The following SLC12A1 variants were observed in gnomAD, a reference collection of about 807,000 sequenced individuals.
SLC12A1 encodes the protein Na-K-2Cl cotransporter.
A neutral mutation model predicts 130.4 loss-of-function variants in SLC12A1; 89 were observed. The observed-to-expected ratio is 0.68, with a 90% CI of 0.58 to 0.81. The LOEUF is 0.81. SLC12A1 is among the 40% of genes least tolerant of loss of function. The pLI, the probability that SLC12A1 is intolerant of heterozygous loss-of-function variation, is 0.00. For missense variants in SLC12A1, 1,310 were observed against 1,336.4 expected, an observed-to-expected ratio of 0.98 and a Z score of 0.31; for synonymous variants, 499 against 460.0, an observed-to-expected ratio of 1.08 and a Z score of -1.09.
Position 48,222,109 on chromosome 15 carries a change from G to A in SLC12A1, c.628+1113G>A, listed in dbSNP as rs541015459. ...GCATAACAAATGAATGCTCACAGCC[G>A]CAGGGTCCAAAATAAGTATATGCCG... On this transcript the variant is annotated intron_variant, in intron 4 of 26. Transcript: ENST00000380993. Among the ~76,000 whole-genome samples, 8 of 152,152 alleles carry A rather than the reference G, an allele frequency of 5.3e-5. No homozygotes were observed. In the South Asian group the frequency reaches 1.0e-3, roughly 20 times the overall value.
intron 20 of SLC12A1, among the ~76,000 whole-genome samples, chr15:48,278,284 CTAT>C (rs1184437837): frequency 6.6e-6 from 1 of 152,220 alleles, no homozygotes; most frequent in Admixed American, 6.5e-5. Context: ...TATGTGCCAT[CTAT>C]TATGCTTCTT....
chr15:48,260,499 T>C (rs2041763175), intron 17 of SLC12A1, among the ~76,000 whole-genome samples: 1 of 152,226 alleles, frequency 6.6e-6, no homozygotes, highest in Non-Finnish European at 1.5e-5. Flanking sequence ...AGCCACACAA[T>C]AGCCTAGTGA....
chr15:48,221,255 C>A, intron 4 of SLC12A1: 1 of 693,322 alleles, frequency 1.4e-6, no homozygotes. Context: ...GTTTTAGGTA[C>A]ACAGACATAT....
At position 48,304,019 on chromosome 15, in the gene SLC12A1, A is replaced by C. The variant is rs528033875; in HGVS notation, c.*1134A>C. 1 of 152,206 alleles carries C rather than the reference A, an allele frequency of 6.6e-6. No individual in the cohort carries two copies. The highest frequency in any genetic ancestry group is 6.5e-5 in the Admixed American group (1 of 15,282). 9.4% of individuals were successfully genotyped at this position (152,206 alleles called of 1,614,324 possible). On this transcript the variant is annotated 3_prime_UTR_variant, in exon 27 of 27. Transcript: ENST00000380993. ...TCTCCTTGACATGTTTTGACTGTTC[A>C]TTCTAACTGAAAACATATATGGGAA... is the stretch of plus-strand genomic sequence containing the variant.
At position 48,236,064 on chromosome 15, in the gene SLC12A1, CA is replaced by C. The variant is rs548521174; in HGVS notation, c.1215+1061del. Among the ~76,000 whole-genome samples, 12 of 149,444 alleles carry C rather than the reference CA, an allele frequency of 8.0e-5. No individual in the cohort carries two copies. In the South Asian group the frequency reaches 2.6e-3, roughly 32 times the overall value. On this transcript the variant is annotated intron_variant, in intron 9 of 26. Coordinates refer to ENST00000380993, the MANE Select transcript of SLC12A1 (RefSeq NM_000338.3). Reference sequence around the variant, plus strand: ...AGTATTAAAAGGAGGAAAGTGAGGACATATATCGGGGACAATAAGCCATTTC... The same window carrying C: ...AGTATTAAAAGGAGGAAAGTGAGGACTATATCGGGGACAATAAGCCATTTC...
chr15:48,210,211 G>A (rs1032990177), intron 2 of SLC12A1, among the ~76,000 whole-genome samples: 14 of 152,194 alleles, frequency 9.2e-5, no homozygotes, highest in African/African-American at 2.9e-4. Context: ...ATTATAAAAA[G>A]ATATTTCAAT....
intron 17 of SLC12A1, among the ~76,000 whole-genome samples, chr15:48,263,382 T>G (rs1174612895): frequency 1.3e-5 from 2 of 152,210 alleles, no homozygotes; most frequent in Non-Finnish European, 2.9e-5. Flanking sequence ...TTTTATCAAG[T>G]ACATTATGTT....
rs376047955 is a variant in SLC12A1, at chr15:48,217,131, T to A, written c.421-3503T>A. The stretch of plus-strand genomic sequence containing the variant: ...AAGTAATATTTTATAGATATTCTAT[T>A]AAGTAAAATACATTACTAAAACACT... On this transcript the variant is annotated intron_variant, in intron 2 of 26. Coordinates refer to ENST00000380993, the MANE Select transcript of SLC12A1 (RefSeq NM_000338.3). Among the ~76,000 whole-genome samples the A allele has an allele frequency of 9.6e-4, 146 of 152,328 alleles. 1 individual carries two copies. Among genetic ancestry groups the A allele is most frequent in the Non-Finnish European group, 1.7e-3 (113 of 68,022 alleles).
chr15:48,290,635 T>C (rs912241850), intron 23 of SLC12A1, among the ~76,000 whole-genome samples: 1 of 152,176 alleles, frequency 6.6e-6, no homozygotes, highest in Non-Finnish European at 1.5e-5. Context: ...TATAATCTTA[T>C]GGGACCACCA....
intron 24 of SLC12A1, among the ~76,000 whole-genome samples, chr15:48,294,883 C>T (rs2042159465): frequency 9.2e-6 from 1 of 109,090 alleles, no homozygotes; most frequent in African/African-American, 4.7e-5. Context: ...ATGAATTATC[C>T]ACCCACTTCT....
chr15:48,221,130 C>G, intron 4 of SLC12A1, 134 bp downstream of exon 4: 1 of 866,456 alleles, frequency 1.2e-6, no homozygotes, highest in Non-Finnish European at 1.9e-6. Context: ...TTTTACTTTG[C>G]TTCTTTGACG....
At position 48,234,979 on chromosome 15, in the gene SLC12A1, G is replaced by A; in HGVS notation, c.1190G>A (p.Gly397Asp). 1.2e-6 allele frequency: 2 copies of A among 1,613,826 alleles called. No individual in the cohort carries two copies. The highest frequency in any genetic ancestry group is 2.2e-5 in the East Asian group (1 of 44,866). Residue 397 changes from glycine (G) to aspartate (D), a missense_variant, in exon 9 of 27, where the codon GGT becomes GAT. Coordinates refer to ENST00000380993, the MANE Select transcript of SLC12A1 (RefSeq NM_000338.3). ...CCAGCAGCTACTGGGATTCTTGCTG[G>A]TGCCAATATCTCAGGAGATTTGGAG... ...FFPAATGILA[G>D]ANISGDLEDP...
intron 6 of SLC12A1, among the ~76,000 whole-genome samples, chr15:48,229,570 G>C (rs1265672451): frequency 6.6e-6 from 1 of 152,012 alleles, no homozygotes; most frequent in Non-Finnish European, 1.5e-5. Context: ...CTATAATATG[G>C]GCTAATAATA....
At chr15:48,300,466 C>T (rs2042221636) in intron 25 of SLC12A1, among the ~76,000 whole-genome samples, 2 of 152,110 alleles carry the variant, frequency 1.3e-5, no homozygotes, top group Admixed American at 6.5e-5. Flanking sequence ...AGACCCTGAC[C>T]CCTGGGGCCC....
chr15:48,250,963 C>T (rs1411997626), intron 14 of SLC12A1, among the ~76,000 whole-genome samples: 5 of 152,148 alleles, frequency 3.3e-5, no homozygotes, highest in Admixed American at 6.5e-5. Flanking sequence ...AAAACTCCCA[C>T]GCACGTGCGC....
Position 48,246,954 on chromosome 15 carries a change from A to C in SLC12A1, c.1498A>C (p.Ile500Leu). Residue 500 changes from isoleucine to leucine, a missense_variant, in exon 12 of 27, where the codon ATC becomes CTC. By Grantham distance (5) the Ile-to-Leu change is conservative. Coordinates refer to ENST00000380993, the MANE Select transcript of SLC12A1 (RefSeq NM_000338.3). ...GTTCGGCCCCCTCATCACTGCGGGA[A>C]TCTTTTCTGCAACACTCTCCTCCGC... The part of the protein sequence containing the change: ...SGFGPLITAG[I>L]FSATLSSALA... 1 of 1,613,980 alleles carries C rather than the reference A, an allele frequency of 6.2e-7. No individual in the cohort carries two copies. Among genetic ancestry groups the C allele is most frequent in the South Asian group, 1.1e-5 (1 of 91,080 alleles).
intron 20 of SLC12A1, 32 bp from the exon 21 acceptor site, chr15:48,285,074 G>C: frequency 6.6e-7 from 1 of 1,520,746 alleles, no homozygotes; most frequent in Non-Finnish European, 8.8e-7. Flanking sequence ...GTAGTTCTGA[G>C]TTAAGTAGGT....
rs760563753 is a variant in SLC12A1 at position 48,302,775 on chromosome 15, T to A, written c.3190T>A (p.Ser1064Thr). 2 of 1,611,548 alleles carry A rather than the reference T, an allele frequency of 1.2e-6. No homozygotes were observed. Among genetic ancestry groups the A allele is most frequent in the South Asian group, 2.2e-5 (2 of 90,350 alleles). The change falls in exon 27 of 27, where the codon TCC becomes ACC. Residue 1064 changes from serine to threonine, a missense_variant. Ser to Thr is a moderately conservative substitution (Grantham distance 58). Transcript: ENST00000380993. ...GAGCCTTCCCGTGGCAAGAAAGGGA[T>A]CCATATCGGATTTGTTGTATATGGC... ...VLSLPVARKG[S>T]ISDLLYMAWL...
rs1250359608 is a variant in SLC12A1 at position 48,290,766 on chromosome 15, T to G, written c.2874-1012T>G. Reference sequence around the variant, plus strand: ...CAATCAAAGCAATATGATATTTGTATGCTAATATTATATAGATTTAATTAT... The same window carrying G: ...CAATCAAAGCAATATGATATTTGTAGGCTAATATTATATAGATTTAATTAT... On this transcript the variant is annotated intron_variant, in intron 23 of 26. Coordinates refer to ENST00000380993, the MANE Select transcript of SLC12A1 (RefSeq NM_000338.3). Among the ~76,000 whole-genome samples the G allele has an allele frequency of 4.6e-5, 7 of 152,156 alleles. No homozygotes were observed. The East Asian group carries it at 9.6e-4, about 21-fold the overall frequency.
Sources: gnomAD v4.1 joint callset for allele counts (sites outside exome capture counted in the v4.1 genomes callset) on GRCh38, gnomAD v4.1.1 for gene constraint, MANE v1.5 for transcripts, NCBI Gene and HGNC (gene_info 2026-07-23, HGNC 2026-07-21) for gene names.